The following MAP2K5 variants were observed in gnomAD, a reference collection of about 807,000 sequenced individuals.
The protein encoded by MAP2K5 is dual specificity mitogen-activated protein kinase kinase 5.
A neutral mutation model predicts 83.1 loss-of-function variants in MAP2K5; 49 were observed. The observed-to-expected ratio is 0.59, with a 90% CI of 0.47 to 0.75. The LOEUF (loss-of-function observed/expected upper bound fraction) is 0.75. Ranked by LOEUF, MAP2K5 falls within the 30% of genes least tolerant of loss-of-function variation. The probability of loss-of-function intolerance (pLI) is 0.00; values close to 1 mark genes in which losing one functional copy is unlikely to be tolerated. For synonymous variants in MAP2K5, 202 were observed against 191.8 expected (o/e 1.05, Z -0.44); for missense variants, 457 against 557.5 (o/e 0.82, Z 1.82).
At chr15:67,634,848 T>A (rs1256589204) in intron 9 of MAP2K5, among the ~76,000 whole-genome samples, 1 of 152,200 alleles carries the variant, frequency 6.6e-6, no homozygotes, top group South Asian at 2.1e-4. Flanking sequence ...TCTTATTTTT[T>A]AATCCAGTTG....
Position 67,801,966 on chromosome 15 carries a change from G to A in MAP2K5, c.1243-4680G>A, listed in dbSNP as rs1213106912. ...CAAAGCCCAACTAAGGGCAGACAGCGAGGTGTCATTAAATGAGCACTGGAC... is the reference window on the plus strand; with the variant it reads ...CAAAGCCCAACTAAGGGCAGACAGCAAGGTGTCATTAAATGAGCACTGGAC... On this transcript the variant is annotated intron_variant, in intron 21 of 21. Transcript: ENST00000178640. This position sits in a 1 kb window ranked among gnomAD's most constrained non-coding sequence, Gnocchi z 4.8. Among the ~76,000 whole-genome samples, 4 of 152,216 alleles carry A rather than the reference G, an allele frequency of 2.6e-5. No individual in the cohort carries two copies. The highest frequency in any genetic ancestry group is 4.4e-5 in the Non-Finnish European group (3 of 68,044).
rs146869178 is a variant in MAP2K5 at position 67,791,351 on chromosome 15, G to A, written c.1243-15295G>A. On this transcript the variant is annotated intron_variant, in intron 21 of 21. Transcript: ENST00000178640. The stretch of plus-strand genomic sequence containing the variant: ...CAGACTCTGACTTTGTTATGCAGGG[G>A]CTTGTTTTGACCACTTGTGGAGTGT... Among the ~76,000 whole-genome samples, 470 of 152,256 alleles carry A rather than the reference G, an allele frequency of 3.1e-3. 2 individuals are homozygous for A. Among genetic ancestry groups the A allele is most frequent in the African/African-American group, 0.011 (455 of 41,544 alleles).
At position 67,577,584 on chromosome 15, in the gene MAP2K5, GT is replaced by G. The variant is rs1567284862; in HGVS notation, c.253-3163del. Among the ~76,000 whole-genome samples, 1 of 151,860 alleles carries G rather than the reference GT, an allele frequency of 6.6e-6. No individual in the cohort carries two copies. The highest frequency in any genetic ancestry group is 2.4e-5 in the African/African-American group (1 of 41,338). On this transcript the variant is annotated intron_variant, in intron 3 of 21. Coordinates refer to ENST00000178640, the MANE Select transcript of MAP2K5 (RefSeq NM_145160.3). The surrounding 1 kb of genome is among the most constrained non-coding windows in gnomAD (Gnocchi z 4.1). ...TTTGGTCGTTGCTGTTTGTTTCTTT[GT>G]TTTTTTCTTTTCTTTTGGTTTTGGT... is the stretch of plus-strand genomic sequence containing the variant.
chr15:67,671,047 G>A (rs1480805489), intron 13 of MAP2K5, among the ~76,000 whole-genome samples: 7 of 152,164 alleles, frequency 4.6e-5, no homozygotes, highest in African/African-American at 7.2e-5. Flanking sequence ...TGCCTCACTG[G>A]GTGACCCCAG....
intron 13 of MAP2K5, 117 bp from the exon 14 acceptor site, chr15:67,692,362 G>A (rs1473104341): frequency 5.0e-6 from 3 of 601,898 alleles, no homozygotes; most frequent in Admixed American, 3.0e-5. Context: ...TTTGAATTTC[G>A]GATTGAGCAG....
intron 8 of MAP2K5, 34 bp from the exon 9 acceptor site, chr15:67,630,854 T>A (rs1176099751): frequency 1.3e-6 from 2 of 1,567,872 alleles, no homozygotes; most frequent in South Asian, 1.1e-5. Context: ...TGTTTAGTGA[T>A]CCCAAATGAT....
chr15:67,625,218 G>A (rs1016618481), intron 8 of MAP2K5, among the ~76,000 whole-genome samples: 9 of 152,146 alleles, frequency 5.9e-5, no homozygotes, highest in South Asian at 4.1e-4. Context: ...GAAAGTATTC[G>A]CTTGCACTGG....
At chr15:67,683,408 T>C (rs1408970221) in intron 13 of MAP2K5, among the ~76,000 whole-genome samples, 1 of 152,152 alleles carries the variant, frequency 6.6e-6, no homozygotes, top group African/African-American at 2.4e-5. Flanking sequence ...TAAAAAAGGA[T>C]TCAAGGTGGT....
intron 4 of MAP2K5, 145 bp from the exon 5 acceptor site, chr15:67,585,745 C>G: frequency 1.5e-6 from 1 of 652,604 alleles, no homozygotes; most frequent in Non-Finnish European, 2.8e-6. Context: ...GTTCATAATT[C>G]CCACTTTGGG....
rs961990461 is a variant in MAP2K5 at position 67,768,540 on chromosome 15, C to T, written c.1135-1062C>T. On this transcript the variant is annotated intron_variant, in intron 19 of 21. Transcript: ENST00000178640. The surrounding 1 kb of genome is among the most constrained non-coding windows in gnomAD (Gnocchi z 4.0). ...TCCAAATGGCCAAAGCACTCCAAAG[C>T]ACAGTGAGATTAAAATAAGTCATTC... is the stretch of plus-strand genomic sequence containing the variant. Among the ~76,000 whole-genome samples, 1 of 152,150 alleles carries T rather than the reference C, an allele frequency of 6.6e-6. No homozygotes were observed. The highest frequency in any genetic ancestry group is 2.1e-4 in the South Asian group (1 of 4,824).
At chr15:67,667,990 A>G (rs4776372) in intron 13 of MAP2K5, among the ~76,000 whole-genome samples, 124,202 of 152,122 alleles carry the variant, frequency 0.82, 50,881 homozygotes, top group Admixed American at 0.88. Context: ...TAGTCTGGTA[A>G]AAGTTAGTTT....
chr15:67,784,803 A>C (rs1293652620), intron 21 of MAP2K5, among the ~76,000 whole-genome samples: 1 of 152,238 alleles, frequency 6.6e-6, no homozygotes, highest in African/African-American at 2.4e-5. Context: ...ATGGGTATAG[A>C]AATGGGCAAC....
rs2089397486 is a variant in MAP2K5, at chr15:67,738,565, T to C, written c.1075-9666T>C. On this transcript the variant is annotated intron_variant, in intron 17 of 21. Transcript: ENST00000178640. This position sits in a 1 kb window ranked among gnomAD's most constrained non-coding sequence, Gnocchi z 4.1. ...TTCTGGTCTTGGCTTTTCTTATTAG[T>C]TGCTTGACCTTCTTTCTTTTTGGAC... 6.6e-6 allele frequency among the ~76,000 whole-genome samples: 1 copy of C among 152,218 alleles called. No homozygotes were observed. Among genetic ancestry groups the C allele is most frequent in the African/African-American group, 2.4e-5 (1 of 41,460 alleles).
intron 16 of MAP2K5, among the ~76,000 whole-genome samples, chr15:67,705,753 A>C (rs942938020): frequency 1.3e-5 from 2 of 152,050 alleles, no homozygotes; most frequent in African/African-American, 4.8e-5. Context: ...AAAAAGAAAG[A>C]AAGCAGACTA....
intron 3 of MAP2K5, among the ~76,000 whole-genome samples, chr15:67,564,089 T>C (rs911942049): frequency 8.5e-5 from 13 of 152,228 alleles, no homozygotes; most frequent in Non-Finnish European, 1.9e-4. Flanking sequence ...GTAATCTGTT[T>C]ACAAAACCTT....
rs940704688 is a variant in MAP2K5, at chr15:67,720,121, C to T, written c.1045-7795C>T. Among the ~76,000 whole-genome samples, 1 of 152,206 alleles carries T rather than the reference C, an allele frequency of 6.6e-6. No homozygotes were observed. Among genetic ancestry groups the T allele is most frequent in the African/African-American group, 2.4e-5 (1 of 41,540 alleles). On this transcript the variant is annotated intron_variant, in intron 16 of 21. Transcript: ENST00000178640. The surrounding 1 kb of genome is among the most constrained non-coding windows in gnomAD (Gnocchi z 5.7). ...TTATTTATCAATTAGCTGCCTTATACTTACTATGGCCTAGTTAAAATTGTA... is the reference window on the plus strand; with the variant it reads ...TTATTTATCAATTAGCTGCCTTATATTTACTATGGCCTAGTTAAAATTGTA...
intron 8 of MAP2K5, among the ~76,000 whole-genome samples, chr15:67,614,215 C>G (rs1417501087): frequency 6.6e-6 from 1 of 152,070 alleles, no homozygotes; most frequent in Non-Finnish European, 1.5e-5. Context: ...GTTTCCTTGT[C>G]TATAAAGTGG....
intron 8 of MAP2K5, among the ~76,000 whole-genome samples, chr15:67,608,818 A>G (rs1453005113): frequency 6.6e-6 from 1 of 152,130 alleles, no homozygotes. Context: ...TAGAGTGATT[A>G]ATGTACTCTT....
chr15:67,707,109 G>T (rs1301294989), intron 16 of MAP2K5, among the ~76,000 whole-genome samples: 3 of 152,164 alleles, frequency 2.0e-5, no homozygotes, highest in African/African-American at 4.8e-5. Context: ...TAGAGACAGG[G>T]TTTCACCATG....
Sources: gnomAD v4.1 joint callset for allele counts (sites outside exome capture counted in the v4.1 genomes callset) on GRCh38, gnomAD v4.1.1 for gene constraint, Gnocchi (gnomAD v3.1) non-coding constraint, MANE v1.5 for transcripts, NCBI Gene and HGNC (gene_info 2026-07-23, HGNC 2026-07-21) for gene names.